SYCP2L: variants seen among roughly 807,000 people sequenced by gnomAD.
SYCP2L encodes the protein synaptonemal complex protein 2-like.
SYCP2L carries 98 observed loss-of-function variants against 125.8 expected under a neutral mutation model. The observed-to-expected ratio is 0.78, with a 90% CI of 0.66 to 0.92. The LOEUF is 0.92. Among genes scored for constraint, SYCP2L ranks in the 40% least tolerant of loss-of-function variants. The probability of loss-of-function intolerance (pLI) is 0.00; values close to 1 mark genes in which losing one functional copy is unlikely to be tolerated. For missense variants in SYCP2L, 842 were observed against 936.4 expected, an observed-to-expected ratio of 0.90 and a Z score of 1.32; for synonymous variants, 317 against 325.4, an observed-to-expected ratio of 0.97 and a Z score of 0.28.
chr6:10,903,777 AAAAAT>A (rs1381611650), intron 8 of SYCP2L, among the ~76,000 whole-genome samples: 1 of 151,984 alleles, frequency 6.6e-6, no homozygotes, highest in East Asian at 1.9e-4. Context: ...ATAAAAATAA[AAAAAT>A]AAAAAAGACA....
At position 10,961,532 on chromosome 6, in the gene SYCP2L, A is replaced by G. The variant is rs141069659; in HGVS notation, c.2388A>G (p.Gln796=). The G allele has an allele frequency of 1.4e-4, 231 of 1,614,172 alleles. 2 individuals are homozygous for G. In the South Asian group the frequency reaches 1.5e-3, roughly 11 times the overall value. The part of the protein sequence containing the change: ...EFWGKQSADL[Q]SFCDLQVLRF... ...GGGGGAAACAGTCTGCTGATCTGCA[A>G]TCTTTCTGTGATCTGCAAGTGCTGA... Residue 796 remains glutamine (Q), a synonymous_variant, in exon 28 of 30, where the codon CAA becomes CAG. Coordinates refer to ENST00000283141, the MANE Select transcript of SYCP2L (RefSeq NM_001040274.3).
chr6:10,926,994 T>A (rs948063898), intron 16 of SYCP2L, among the ~76,000 whole-genome samples: 1 of 152,164 alleles, frequency 6.6e-6, no homozygotes, highest in African/African-American at 2.4e-5. Flanking sequence ...TTGGCCAGGC[T>A]GGTCTCAAAC....
At position 10,931,946 on chromosome 6, in the gene SYCP2L, C is replaced by T. The variant is rs1280218547; in HGVS notation, c.1683+457C>T. On this transcript the variant is annotated intron_variant, in intron 20 of 29. Transcript: ENST00000283141. ...TGCCACTGCGCTGCAGCCTGGGTGA[C>T]AGAATGAGACCGTGTCTCAAAAAAA... Among the ~76,000 whole-genome samples the T allele has an allele frequency of 2.3e-5, 3 of 133,206 alleles. No individual in the cohort carries two copies. The South Asian group carries it at 7.0e-4, about 31-fold the overall frequency. The allele number at this position is 133,206 out of a possible 152,430, so 87.4% of individuals were successfully genotyped here.
intron 23 of SYCP2L, among the ~76,000 whole-genome samples, chr6:10,945,539 G>A (rs773595867): frequency 2.0e-4 from 31 of 152,260 alleles, no homozygotes; most frequent in Non-Finnish European, 3.4e-4. Context: ...GGAGGCCAAG[G>A]TGGGTGGATC....
At chr6:10,940,383 T>C (rs1239929278) in intron 21 of SYCP2L, among the ~76,000 whole-genome samples, 1 of 152,190 alleles carries the variant, frequency 6.6e-6, no homozygotes, top group Non-Finnish European at 1.5e-5. Flanking sequence ...CACTCCCATG[T>C]TTATTGCAGC....
At chr6:10,894,329 C>G in intron 4 of SYCP2L, 125 bp downstream of exon 4, 1 of 1,227,638 alleles carries the variant, frequency 8.1e-7, no homozygotes, top group Non-Finnish European at 1.2e-6. Context: ...AAATTGATAT[C>G]CATTCTTATT....
At chr6:10,956,026 G>A in intron 24 of SYCP2L, 110 bp from the exon 25 acceptor site, 1 of 840,362 alleles carries the variant, frequency 1.2e-6, no homozygotes, top group Non-Finnish European at 1.9e-6. Flanking sequence ...GGCTTCCATG[G>A]TTCGCATCTG....
intron 8 of SYCP2L, among the ~76,000 whole-genome samples, chr6:10,903,494 G>T (rs373464152): frequency 8.0e-4 from 122 of 152,318 alleles, no homozygotes; most frequent in African/African-American, 2.7e-3. Context: ...CTTGCAGTGA[G>T]CCGAGATCGC....
rs1294205425 is a variant in SYCP2L, at chr6:10,927,251, G to T, written c.1324G>T (p.Glu442Ter). The T allele has an allele frequency of 6.2e-7, 1 of 1,614,128 alleles. No individual in the cohort carries two copies. The highest frequency in any genetic ancestry group is 1.7e-5 in the Admixed American group (1 of 60,018). ...CTTAATTTGTATAGAGCAGGCAGAA[G>T]AATCCACTAACATGGTGGAGTTTAT... ...GLERETEQAE[E>*]STNMVEFMSA... Residue 442 changes from glutamate (E) to a stop codon, truncating the protein, a stop_gained, in exon 17 of 30, where the codon GAA becomes TAA. Coordinates refer to ENST00000283141, the MANE Select transcript of SYCP2L (RefSeq NM_001040274.3). LOFTEE classifies it high-confidence loss of function.
intron 2 of SYCP2L, among the ~76,000 whole-genome samples, chr6:10,893,626 C>T (rs1253918223): frequency 6.6e-6 from 1 of 152,090 alleles, no homozygotes; most frequent in African/African-American, 2.4e-5. Flanking sequence ...AAGAAGTCCC[C>T]AGGTGATGCC....
rs1780404121 is a variant in SYCP2L at position 10,902,896 on chromosome 6, A to G, written c.574A>G (p.Ile192Val). ...QQEGLKTFNC[I>V]LHAVPREERK... Reference sequence around the variant, plus strand: ...AAAGGGCTTGAAGACTTTTAACTGCATTTTGCACGCTGTCCCTCGAGAAGA... The same window carrying G: ...AAAGGGCTTGAAGACTTTTAACTGCGTTTTGCACGCTGTCCCTCGAGAAGA... Residue 192 changes from isoleucine to valine, a missense_variant, in exon 8 of 30, where the codon ATT becomes GTT. Ile to Val is a conservative substitution (Grantham distance 29, BLOSUM62 3). Transcript: ENST00000283141. 1 of 1,614,118 alleles carries G rather than the reference A, an allele frequency of 6.2e-7. No individual in the cohort carries two copies. Among genetic ancestry groups the G allele is most frequent in the Non-Finnish European group, 8.5e-7 (1 of 1,180,024 alleles).
chr6:10,952,546 G>A (rs945441836), intron 23 of SYCP2L, among the ~76,000 whole-genome samples: 1 of 150,288 alleles, frequency 6.7e-6, no homozygotes, highest in Non-Finnish European at 1.5e-5. Flanking sequence ...TGAAATTCAA[G>A]GACAAACTTT....
chr6:10,938,237 G>T lies in SYCP2L; in HGVS notation c.1813+3050G>T, dbSNP rs141526475. 9.6e-3 allele frequency among the ~76,000 whole-genome samples: 1,463 copies of T among 152,250 alleles called. 15 individuals carry two copies. The highest frequency in any genetic ancestry group is 0.012 in the Non-Finnish European group (829 of 68,012). On this transcript the variant is annotated intron_variant, in intron 21 of 29. Transcript: ENST00000283141. The stretch of plus-strand genomic sequence containing the variant: ...ATGTTAAAGTAGGATTTATCCCTGA[G>T]ATTCAAGGAAGTTTCCATATATGCA...
chr6:10,925,194 A>T (rs183539655), intron 15 of SYCP2L, among the ~76,000 whole-genome samples: 3 of 152,298 alleles, frequency 2.0e-5, no homozygotes, highest in African/African-American at 7.2e-5. Context: ...TTATAAAACC[A>T]TCAGATCTTG....
At chr6:10,964,111 C>G (rs1438161765) in intron 29 of SYCP2L, among the ~76,000 whole-genome samples, 1 of 152,026 alleles carries the variant, frequency 6.6e-6, no homozygotes, top group Non-Finnish European at 1.5e-5. Context: ...GCACCCGCCA[C>G]CACGCCCGGC....
intron 14 of SYCP2L, among the ~76,000 whole-genome samples, chr6:10,924,179 G>A (rs1444049320): frequency 1.3e-5 from 2 of 152,130 alleles, no homozygotes; most frequent in African/African-American, 4.8e-5. Context: ...GCAGATGATA[G>A]CCTTGTATAA....
Position 10,902,770 on chromosome 6 carries a change from G to A in SYCP2L, c.552+8G>A. ...CATTTGCTTCAACAGGAGGTGAGTT[G>A]CAAGTAACAAAACAGGTAATAGTGG... On this transcript the variant is annotated splice_region_variant and intron_variant, in intron 7 of 29. Transcript: ENST00000283141. The A allele has an allele frequency of 6.2e-7, 1 of 1,613,930 alleles. No homozygotes were observed. The highest frequency in any genetic ancestry group is 8.5e-7 in the Non-Finnish European group (1 of 1,179,806).
intron 14 of SYCP2L, among the ~76,000 whole-genome samples, chr6:10,920,501 G>A (rs1419166165): frequency 6.6e-6 from 1 of 152,238 alleles, no homozygotes; most frequent in Non-Finnish European, 1.5e-5. Flanking sequence ...ACAGGCGTGA[G>A]ACACCGTGCC....
intron 18 of SYCP2L, 37 bp from the exon 19 acceptor site, chr6:10,930,333 C>G: frequency 6.3e-7 from 1 of 1,591,166 alleles, no homozygotes; most frequent in Non-Finnish European, 8.5e-7. Flanking sequence ...GCACTAACAC[C>G]CCTCTAAAAA....
Sources: gnomAD v4.1 joint callset for allele counts (sites outside exome capture counted in the v4.1 genomes callset) on GRCh38, gnomAD v4.1.1 for gene constraint, MANE v1.5 for transcripts, NCBI Gene and HGNC (gene_info 2026-07-23, HGNC 2026-07-21) for gene names.